Variants in CASQ2 observed in about 807,000 individuals in gnomAD.
CASQ2 encodes the protein calsequestrin 2, also known as calsequestrin-2.
CASQ2 carries 49 observed loss-of-function variants against 46.5 expected under a neutral mutation model. The ratio of observed to expected loss-of-function variants is 1.05; its 90% CI spans 0.84 to 1.34. CASQ2 has a LOEUF of 1.34. Among genes scored for constraint, CASQ2 ranks in the 40% most tolerant of loss-of-function variants. The probability of loss-of-function intolerance (pLI) is 0.00; values close to 1 mark genes in which losing one functional copy is unlikely to be tolerated. For missense variants in CASQ2, 486 were observed against 481.3 expected, an observed-to-expected ratio of 1.01 and a Z score of -0.09; for synonymous variants, 174 against 168.5, an observed-to-expected ratio of 1.03 and a Z score of -0.25.
At chr1:115,737,554 T>C (rs748587868) in intron 4 of CASQ2, among the ~76,000 whole-genome samples, 1 of 152,196 alleles carries the variant, frequency 6.6e-6, no homozygotes, top group African/African-American at 2.4e-5. Context: ...GTTTTAAATA[T>C]GTACAGTACT....
chr1:115,745,093 G>A (rs972762319), intron 1 of CASQ2, among the ~76,000 whole-genome samples, 181 bp from the exon 2 acceptor site: 2 of 152,202 alleles, frequency 1.3e-5, no homozygotes, highest in Non-Finnish European at 2.9e-5. Context: ...GGATGATTCA[G>A]GAGAATGCTG....
chr1:115,718,952 G>A (rs887632688), intron 7 of CASQ2, among the ~76,000 whole-genome samples: 4 of 152,072 alleles, frequency 2.6e-5, no homozygotes, highest in Admixed American at 2.0e-4. Flanking sequence ...TAGTGATGAT[G>A]AGACATGGGG....
At chr1:115,712,380 T>C (rs1337705710) in intron 8 of CASQ2, among the ~76,000 whole-genome samples, 1 of 152,116 alleles carries the variant, frequency 6.6e-6, no homozygotes, top group Admixed American at 6.5e-5. Flanking sequence ...TCAAATGATA[T>C]GGTGTTGTGA....
At chr1:115,764,385 G>T in intron 1 of CASQ2, among the ~76,000 whole-genome samples, 1 of 152,230 alleles carries the variant, frequency 6.6e-6, no homozygotes, top group Non-Finnish European at 1.5e-5. Context: ...ATTGAAAAAT[G>T]TATATTTATG....
chr1:115,754,951 G>T (rs2101113378), intron 1 of CASQ2, among the ~76,000 whole-genome samples: 1 of 152,288 alleles, frequency 6.6e-6, no homozygotes, highest in Non-Finnish European at 1.5e-5. Context: ...AGATTGCTGG[G>T]CCCACCCCAG....
intron 8 of CASQ2, among the ~76,000 whole-genome samples, chr1:115,707,616 T>C (rs1243195408): frequency 6.6e-6 from 1 of 152,204 alleles, no homozygotes; most frequent in African/African-American, 2.4e-5. Flanking sequence ...GCCATGTGTC[T>C]GTCACAGGAG....
At chr1:115,730,688 T>C (rs1169227583) in intron 5 of CASQ2, among the ~76,000 whole-genome samples, 1 of 152,052 alleles carries the variant, frequency 6.6e-6, no homozygotes. Flanking sequence ...CTATCTTAAG[T>C]TATTTTGAGG....
At chr1:115,730,364 T>G (rs1647743948) in intron 5 of CASQ2, among the ~76,000 whole-genome samples, 1 of 152,216 alleles carries the variant, frequency 6.6e-6, no homozygotes, top group African/African-American at 2.4e-5. Context: ...ACTTTTGAAC[T>G]TTCTGTCTTT....
intron 1 of CASQ2, among the ~76,000 whole-genome samples, chr1:115,761,838 T>A (rs1340405248): frequency 1.3e-5 from 2 of 152,086 alleles, no homozygotes; most frequent in African/African-American, 2.4e-5. Flanking sequence ...TAATAGATAA[T>A]CTGCATGAGT....
chr1:115,704,077 G>A (rs1263012617), intron 9 of CASQ2, among the ~76,000 whole-genome samples: 1 of 152,186 alleles, frequency 6.6e-6, no homozygotes, highest in African/African-American at 2.4e-5. Flanking sequence ...TAATTACCCA[G>A]TGCTATGACA....
intron 1 of CASQ2, among the ~76,000 whole-genome samples, chr1:115,762,909 G>A (rs754038460): frequency 3.9e-4 from 59 of 152,216 alleles, no homozygotes; most frequent in Admixed American, 3.6e-3. Flanking sequence ...ATGTATAGAG[G>A]GCTCAGGAAC....
chr1:115,754,261 G>C (rs192378621), intron 1 of CASQ2, among the ~76,000 whole-genome samples: 11 of 152,222 alleles, frequency 7.2e-5, no homozygotes, highest in Non-Finnish European at 1.3e-4. Context: ...GAGTATCGGG[G>C]GCCTCTTTAG....
intron 6 of CASQ2, 27 bp downstream of exon 6, chr1:115,726,965 C>A: frequency 1.3e-6 from 2 of 1,518,292 alleles, no homozygotes; most frequent in South Asian, 1.1e-5. Flanking sequence ...CCCCAGGCCC[C>A]CAGCCCCCAC....
Position 115,744,835 on chromosome 1 carries a change from C to A in CASQ2, c.312G>T (p.Lys104Asn). 1 of 1,612,488 alleles carries A rather than the reference C, an allele frequency of 6.2e-7. No homozygotes were observed. Among genetic ancestry groups the A allele is most frequent in the Non-Finnish European group, 8.5e-7 (1 of 1,178,550 alleles). ...CTCAAAAATCACACTTACCCAGTTT[C>A]TTGGCAAGCTTGGCTTCTTTCTTGG... Reference protein sequence around the residue: ...VDAKKEAKLAKKLGFDEEGSL... With the variant: ...VDAKKEAKLANKLGFDEEGSL... Residue 104 changes from lysine to asparagine, a missense_variant, in exon 2 of 11, where the codon AAG becomes AAT. Lys to Asn is a moderately conservative substitution (Grantham distance 94, BLOSUM62 0). Transcript: ENST00000261448.
chr1:115,703,168 G>A (rs1022076116), intron 9 of CASQ2, among the ~76,000 whole-genome samples, 173 bp from the exon 10 acceptor site: 1 of 152,178 alleles, frequency 6.6e-6, no homozygotes, highest in Non-Finnish European at 1.5e-5. Context: ...CTTCAAATAA[G>A]CATTAAATAA....
chr1:115,740,300 G>T (rs1384549290), intron 3 of CASQ2, among the ~76,000 whole-genome samples: 3 of 152,180 alleles, frequency 2.0e-5, no homozygotes, highest in Admixed American at 6.5e-5. Flanking sequence ...GGGCTGTTTA[G>T]CTCTGTCACT....
chr1:115,742,054 T>A (rs1356604064), intron 2 of CASQ2, among the ~76,000 whole-genome samples: 1 of 152,064 alleles, frequency 6.6e-6, no homozygotes, highest in Non-Finnish European at 1.5e-5. Context: ...TCTTTTTGTT[T>A]GTTTGTTTTT....
Position 115,701,181 on chromosome 1 carries a change from G to C in CASQ2, c.*60C>G. ...GCAGAATTGCTTGCTGCCACCTTGT[G>C]CTGTCTGTATGGTAGTGGGTGCTGT... On this transcript the variant is annotated 3_prime_UTR_variant, in exon 11 of 11. Transcript: ENST00000261448. 6.2e-7 allele frequency: 1 copy of C among 1,612,520 alleles called. No homozygotes were observed. Among genetic ancestry groups the C allele is most frequent in the Non-Finnish European group, 8.5e-7 (1 of 1,179,936 alleles).
intron 1 of CASQ2, among the ~76,000 whole-genome samples, chr1:115,764,172 A>C (rs1399650834): frequency 6.6e-6 from 1 of 152,258 alleles, no homozygotes; most frequent in Non-Finnish European, 1.5e-5. Context: ...AATGTTCATT[A>C]AAACAACAAT....
Sources: allele counts gnomAD v4.1 joint callset (sites outside exome capture counted in the v4.1 genomes callset), GRCh38; gene constraint gnomAD v4.1.1; transcripts MANE v1.5; gene names NCBI Gene and HGNC (gene_info 2026-07-23, HGNC 2026-07-21).